ARID5B: variants seen among roughly 807,000 people sequenced by gnomAD.
ARID5B encodes the protein AT-rich interactive domain-containing protein 5B.
In ARID5B, 13 loss-of-function variants were observed where a neutral mutation model predicts 97.2. The ratio of observed to expected loss-of-function variants is 0.13; its 90% CI spans 0.09 to 0.21. The LOEUF is 0.21. ARID5B is among the 10% of genes least tolerant of loss of function. ARID5B has a pLI of 1.00. For missense variants in ARID5B, 1,210 were observed against 1,465.3 expected, an observed-to-expected ratio of 0.83 and a Z score of 2.84; for synonymous variants, 556 against 570.3, an observed-to-expected ratio of 0.97 and a Z score of 0.36.
chr10:62,056,987 A>C, intron 5 of ARID5B, 130 bp from the exon 6 acceptor site: 2 of 819,736 alleles, frequency 2.4e-6, no homozygotes, highest in Non-Finnish European at 3.8e-6. Flanking sequence ...AAGCTATTAA[A>C]AGCAGGGATA....
chr10:62,016,101 T>G (rs1344022124), intron 4 of ARID5B, among the ~76,000 whole-genome samples: 1 of 152,188 alleles, frequency 6.6e-6, no homozygotes, highest in Non-Finnish European at 1.5e-5. Context: ...TTCTCATAGG[T>G]CAGTGTGCTG....
intron 4 of ARID5B, among the ~76,000 whole-genome samples, chr10:62,026,007 C>T (rs1042277177): frequency 6.6e-6 from 1 of 152,200 alleles, no homozygotes; most frequent in Admixed American, 6.5e-5. Context: ...AAAGAAATAG[C>T]TGAGTAACTG....
At chr10:61,969,486 A>C (rs1838594258) in intron 3 of ARID5B, among the ~76,000 whole-genome samples, 1 of 152,108 alleles carries the variant, frequency 6.6e-6, no homozygotes, top group Admixed American at 6.6e-5. Flanking sequence ...TGAAATAGAC[A>C]GGTCTTTGCT....
chr10:62,095,859 C>T lies in ARID5B; in HGVS notation c.*2829C>T, dbSNP rs886383243. The T allele has an allele frequency of 4.3e-6, 1 of 230,924 alleles. No homozygotes were observed. 14.3% of individuals were successfully genotyped at this position (230,924 alleles called of 1,614,324 possible). A position where few individuals can be genotyped will look rare whatever the true frequency, so the allele number is the denominator to read the frequency against. On this transcript the variant is annotated 3_prime_UTR_variant, in exon 10 of 10. Coordinates refer to ENST00000279873, the MANE Select transcript of ARID5B (RefSeq NM_032199.3). ...GTTATTGGTAGTTCTGTAAAGGAAA[C>T]TGTGGAATCGAATTGGCAGTGGAGT...
intron 2 of ARID5B, among the ~76,000 whole-genome samples, chr10:61,920,497 T>C (rs1015405532): frequency 6.6e-6 from 1 of 152,000 alleles, no homozygotes; most frequent in Non-Finnish European, 1.5e-5. Context: ...CATGCCTGAC[T>C]AATTTTTTTT....
intron 4 of ARID5B, among the ~76,000 whole-genome samples, chr10:62,034,224 C>A (rs1324306648): frequency 1.3e-5 from 2 of 152,134 alleles, no homozygotes; most frequent in East Asian, 3.8e-4. Flanking sequence ...TAGAACAAAC[C>A]TGGGATGCAA....
chr10:62,088,005 C>T (rs1840315663), intron 9 of ARID5B, among the ~76,000 whole-genome samples: 1 of 151,996 alleles, frequency 6.6e-6, no homozygotes. Flanking sequence ...GCTAGGACTA[C>T]AGGCATGCAC....
chr10:62,019,057 A>G (rs1328147686), intron 4 of ARID5B, among the ~76,000 whole-genome samples: 1 of 152,204 alleles, frequency 6.6e-6, no homozygotes, highest in African/African-American at 2.4e-5. Context: ...TCCATCAATC[A>G]GAATACCAAA....
In ARID5B at chr10:62,082,872, G is replaced by T. The variant is rs2278307; in HGVS notation, c.1200-2830G>T. 2.8e-3 allele frequency among the ~76,000 whole-genome samples: 434 copies of T among 152,296 alleles called. 1 individual carries two copies. Among genetic ancestry groups the T allele is most frequent in the East Asian group, 0.028 (145 of 5,180 alleles). On this transcript the variant is annotated intron_variant, in intron 8 of 9. Transcript: ENST00000279873. Reference sequence around the variant, plus strand: ...AACGGAAATCACTATATGAAGCAGCGATTGTGTGCCGTGCGAGACCGTGCC... The same window carrying T: ...AACGGAAATCACTATATGAAGCAGCTATTGTGTGCCGTGCGAGACCGTGCC...
chr10:62,051,554 A>G (rs566102238), intron 5 of ARID5B, among the ~76,000 whole-genome samples: 1 of 152,346 alleles, frequency 6.6e-6, no homozygotes, highest in South Asian at 2.1e-4. Context: ...ATATACTTTT[A>G]AAGATCTCTG....
At position 61,983,867 on chromosome 10, in the gene ARID5B, C is replaced by CTTTTTTTTT. The variant is rs1164342402; in HGVS notation, c.503-16201_503-16193dup. ...TATATTTTTTAAACCCCCTTTTGTTCTTTTTTTTTTTTTTTTTTTTTTTTT... is the reference window on the plus strand; with the variant it reads ...TATATTTTTTAAACCCCCTTTTGTTCTTTTTTTTTTTTTTTTTTTTTTTTTTTTTTTTTT... On this transcript the variant is annotated intron_variant, in intron 3 of 9. Transcript: ENST00000279873. 4.0e-3 allele frequency among the ~76,000 whole-genome samples: 111 copies of CTTTTTTTTT among 27,590 alleles called. 18 individuals are homozygous for CTTTTTTTTT. Among genetic ancestry groups the CTTTTTTTTT allele is most frequent in the African/African-American group, 0.015 (96 of 6,322 alleles). 18.1% of individuals were successfully genotyped at this position (27,590 alleles called of 152,430 possible). A position where few individuals can be genotyped will look rare whatever the true frequency, so the allele number is the denominator to read the frequency against.
chr10:62,077,367 A>G (rs959638192), intron 8 of ARID5B, among the ~76,000 whole-genome samples: 4 of 152,276 alleles, frequency 2.6e-5, no homozygotes, highest in Non-Finnish European at 5.9e-5. Flanking sequence ...AGCCTTTGAA[A>G]AAAATCTCTA....
intron 3 of ARID5B, among the ~76,000 whole-genome samples, chr10:61,987,525 G>T (rs1024801599): frequency 1.3e-5 from 2 of 152,162 alleles, no homozygotes; most frequent in African/African-American, 4.8e-5. Context: ...CAGATTTCTG[G>T]CAGCAAGACT....
chr10:61,949,967 AGT>A (rs1187918430), intron 3 of ARID5B, among the ~76,000 whole-genome samples: 1 of 152,194 alleles, frequency 6.6e-6, no homozygotes, highest in African/African-American at 2.4e-5. Context: ...TGGTGATAAA[AGT>A]GGGTCTATTG....
At chr10:62,026,500 A>G (rs1839422480) in intron 4 of ARID5B, among the ~76,000 whole-genome samples, 1 of 152,242 alleles carries the variant, frequency 6.6e-6, no homozygotes, top group Non-Finnish European at 1.5e-5. Context: ...TTGTAACAGT[A>G]TTTAAGTACT....
At chr10:61,962,577 T>C (rs1433733398) in intron 3 of ARID5B, among the ~76,000 whole-genome samples, 1 of 152,214 alleles carries the variant, frequency 6.6e-6, no homozygotes, top group African/African-American at 2.4e-5. Flanking sequence ...CATCTTCAAT[T>C]TGACTGTGCT....
At chr10:62,054,903 C>G (rs1183913253) in intron 5 of ARID5B, among the ~76,000 whole-genome samples, 1 of 152,194 alleles carries the variant, frequency 6.6e-6, no homozygotes, top group African/African-American at 2.4e-5. Flanking sequence ...GCTCTAGTTT[C>G]CTCAACTGTA....
At chr10:62,064,771 T>TTTCTG (rs1387200831) in intron 7 of ARID5B, among the ~76,000 whole-genome samples, 3 of 152,064 alleles carry the variant, frequency 2.0e-5, no homozygotes, top group African/African-American at 7.3e-5. Context: ...TTTTTGTTTG[T>TTTCTG]TTTTGTTTTG....
intron 4 of ARID5B, among the ~76,000 whole-genome samples, chr10:62,016,429 C>T (rs993703360): frequency 6.6e-6 from 1 of 152,228 alleles, no homozygotes; most frequent in Non-Finnish European, 1.5e-5. Flanking sequence ...TGATTAACAA[C>T]TGTAAAATGC....
Sources: allele counts gnomAD v4.1 joint callset (sites outside exome capture counted in the v4.1 genomes callset), GRCh38; gene constraint gnomAD v4.1.1; transcripts MANE v1.5; gene names NCBI Gene and HGNC (gene_info 2026-07-23, HGNC 2026-07-21).